WDPCP: variants seen among roughly 807,000 people sequenced by gnomAD.
The protein encoded by WDPCP is WD repeat-containing and planar cell polarity effector protein fritz homolog.
A neutral mutation model predicts 93.1 loss-of-function variants in WDPCP; 71 were observed. That is an observed-to-expected ratio of 0.76 (90% CI 0.63 to 0.93). The LOEUF (loss-of-function observed/expected upper bound fraction) is 0.93, where lower values mean the gene tolerates loss of function less well. Ranked by LOEUF, WDPCP falls within the 40% of genes least tolerant of loss-of-function variation. WDPCP has a pLI of 0.00. For synonymous variants in WDPCP, 315 were observed against 315.0 expected (o/e 1.00, Z 0.00); for missense variants, 844 against 887.4 (o/e 0.95, Z 0.62).
chr2:63,370,248 A>G (rs140075491), intron 12 of WDPCP, among the ~76,000 whole-genome samples: 1 of 152,276 alleles, frequency 6.6e-6, no homozygotes, highest in Non-Finnish European at 1.5e-5. Flanking sequence ...CTGTGCCCAC[A>G]TAAAAACCAG....
At chr2:63,461,824 A>G (rs1699030797) in intron 6 of WDPCP, among the ~76,000 whole-genome samples, 2 of 152,190 alleles carry the variant, frequency 1.3e-5, no homozygotes, top group African/African-American at 4.8e-5. Flanking sequence ...ACGTTTCTCT[A>G]TCCCTTTTAA....
upstream of WDPCP, chr2:63,588,900 A>G: frequency 2.7e-6 from 3 of 1,092,646 alleles, no homozygotes; most frequent in Middle Eastern, 2.1e-4. Context: ...CGTAAACTAC[A>G]GTTCCCAGAG....
chr2:63,577,820 G>A (rs1424191530), intron 1 of WDPCP, among the ~76,000 whole-genome samples: 1 of 152,052 alleles, frequency 6.6e-6, no homozygotes, highest in Admixed American at 6.6e-5. Flanking sequence ...AAATGTTAAT[G>A]TATTTAAATT....
At chr2:63,812,938 T>G (rs1454922398) in intron 2 of WDPCP, among the ~76,000 whole-genome samples, 1 of 151,742 alleles carries the variant, frequency 6.6e-6, no homozygotes, top group Non-Finnish European at 1.5e-5. Context: ...AGTGCAGTGG[T>G]TCAGTCTAGG....
chr2:63,392,679 T>G (rs1287957422), intron 10 of WDPCP, among the ~76,000 whole-genome samples: 2 of 151,812 alleles, frequency 1.3e-5, no homozygotes, highest in Admixed American at 6.6e-5. Flanking sequence ...AGAACTCAAA[T>G]AAATTTACAA....
intron 12 of WDPCP, among the ~76,000 whole-genome samples, chr2:63,324,982 A>T (rs1157562883): frequency 1.3e-5 from 2 of 152,220 alleles, no homozygotes; most frequent in Non-Finnish European, 1.5e-5. Flanking sequence ...GGGTCAATTG[A>T]TTCTAAAAGA....
intron 2 of WDPCP, among the ~76,000 whole-genome samples, chr2:63,794,574 C>A (rs564281341): frequency 6.6e-6 from 1 of 152,166 alleles, no homozygotes; most frequent in Non-Finnish European, 1.5e-5. Flanking sequence ...CCTATGACCA[C>A]TAGGAAACCA....
intron 3 of WDPCP, among the ~76,000 whole-genome samples, chr2:63,648,468 T>C (rs185509086): frequency 3.9e-5 from 6 of 152,310 alleles, no homozygotes; most frequent in Admixed American, 2.0e-4. Context: ...TATAGTTGTG[T>C]AATTATTACC....
At chr2:63,749,670 T>A (rs540672903) in intron 2 of WDPCP, among the ~76,000 whole-genome samples, 2 of 152,232 alleles carry the variant, frequency 1.3e-5, no homozygotes, top group South Asian at 4.1e-4. Flanking sequence ...AGGTTAGGTG[T>A]ATTAAATGCA....
At chr2:63,744,191 A>T (rs1669762127) in intron 2 of WDPCP, among the ~76,000 whole-genome samples, 2 of 152,082 alleles carry the variant, frequency 1.3e-5, no homozygotes, top group African/African-American at 4.8e-5. Flanking sequence ...CTTTTTCTCG[A>T]GCAGAATATT....
intron 2 of WDPCP, chr2:63,751,922 C>T (rs1481483581): frequency 4.4e-6 from 3 of 678,912 alleles, no homozygotes; most frequent in Non-Finnish European, 8.2e-6. Flanking sequence ...TAGCCATCCC[C>T]ACTGCCACCA....
At chr2:63,495,697 A>G (rs1240683439) in intron 1 of WDPCP, among the ~76,000 whole-genome samples, 12 of 152,244 alleles carry the variant, frequency 7.9e-5, no homozygotes, top group Admixed American at 7.9e-4. Context: ...TACCTACATC[A>G]GGACTGCTTT....
chr2:63,828,937 G>A (rs991841514), upstream of WDPCP, among the ~76,000 whole-genome samples: 6 of 151,982 alleles, frequency 3.9e-5, no homozygotes, highest in Admixed American at 1.3e-4. Flanking sequence ...CTTAATATTT[G>A]CTTTTGTTAG....
chr2:63,382,135 A>G, intron 10 of WDPCP, 41 bp from the exon 11 acceptor site: 1 of 1,564,446 alleles, frequency 6.4e-7, no homozygotes, highest in East Asian at 2.4e-5. Flanking sequence ...CTTTTAAAAT[A>G]AAATAGAATA....
chr2:63,620,371 A>G (rs571380423), intron 3 of WDPCP, among the ~76,000 whole-genome samples: 1 of 152,334 alleles, frequency 6.6e-6, no homozygotes, highest in South Asian at 2.1e-4. Flanking sequence ...ACTTGAGTAG[A>G]CAGTCTTCCC....
chr2:63,134,448 T>C (rs1223007280), intron 17 of WDPCP, among the ~76,000 whole-genome samples: 1 of 152,202 alleles, frequency 6.6e-6, no homozygotes, highest in African/African-American at 2.4e-5. Flanking sequence ...GAAAAGTATT[T>C]AGTAAATTTA....
intron 9 of WDPCP, among the ~76,000 whole-genome samples, chr2:63,416,673 G>A (rs1456849930): frequency 2.0e-5 from 3 of 151,716 alleles, no homozygotes; most frequent in Non-Finnish European, 2.9e-5. Flanking sequence ...ACAGGTCCCC[G>A]CCACCACGTC....
chr2:63,575,119 A>C (rs1435680487), intron 1 of WDPCP, among the ~76,000 whole-genome samples: 2 of 151,888 alleles, frequency 1.3e-5, no homozygotes, highest in East Asian at 3.9e-4. Context: ...CAACCTTGAA[A>C]AACATGGCAA....
At chr2:63,710,666 A>G (rs1669248808) in intron 2 of WDPCP, among the ~76,000 whole-genome samples, 1 of 152,242 alleles carries the variant, frequency 6.6e-6, no homozygotes, top group Non-Finnish European at 1.5e-5. Context: ...TGACTTTGGG[A>G]AAGAGGTGAA....
Sources: allele counts gnomAD v4.1 joint callset (sites outside exome capture counted in the v4.1 genomes callset), GRCh38; gene constraint gnomAD v4.1.1; transcripts MANE v1.5; gene names NCBI Gene and HGNC (gene_info 2026-07-23, HGNC 2026-07-21).